The following COL6A1 variants were observed in gnomAD, a reference collection of about 807,000 sequenced individuals.
COL6A1 encodes the protein collagen type VI alpha 1 chain, also known as collagen alpha-1(VI) chain.
Under a neutral mutation model 145.6 loss-of-function variants are expected in COL6A1, and 80 were observed. The ratio of observed to expected loss-of-function variants is 0.55; its 90% CI spans 0.46 to 0.66. The LOEUF is 0.66. Ranked by LOEUF, COL6A1 falls within the 30% of genes least tolerant of loss-of-function variation. The pLI, the probability that COL6A1 is intolerant of heterozygous loss-of-function variation, is 0.00. For synonymous variants in COL6A1, 638 were observed against 622.8 expected, an observed-to-expected ratio of 1.02 and a Z score of -0.36; for missense variants, 1,364 against 1,473.8, an observed-to-expected ratio of 0.93 and a Z score of 1.22.
intron 22 of COL6A1, 28 bp from the exon 23 acceptor site, chr21:45,998,093 C>T (rs546543948): frequency 6.2e-7 from 1 of 1,611,136 alleles, no homozygotes; most frequent in African/African-American, 1.3e-5. Flanking sequence ...GGCCGATTCG[C>T]ACGGTGACGG....
At position 45,994,399 on chromosome 21, in the gene COL6A1, C is replaced by T. The variant is rs917914469; in HGVS notation, c.1398+170C>T. 1.3e-5 allele frequency among the ~76,000 whole-genome samples: 2 copies of T among 152,062 alleles called. No homozygotes were observed. The highest frequency in any genetic ancestry group is 2.9e-5 in the Non-Finnish European group (2 of 67,986). On this transcript the variant is annotated intron_variant, in intron 20 of 34. Transcript: ENST00000361866. This position sits in a 1 kb window ranked among gnomAD's most constrained non-coding sequence, Gnocchi z 6.8. ...GGAGCCGGCTGCAGGGGGTGAGGCG[C>T]GGCCTGGGCCGGGCTGGTGTGGATT... is the stretch of plus-strand genomic sequence containing the variant.
intron 19 of COL6A1, among the ~76,000 whole-genome samples, chr21:45,993,907 G>A (rs924215216): frequency 6.6e-6 from 1 of 152,222 alleles, no homozygotes; most frequent in Non-Finnish European, 1.5e-5. Flanking sequence ...GGAGAAGCAG[G>A]GATGCACGCA....
chr21:45,990,144 G>A lies in COL6A1; in HGVS notation c.931-114G>A, dbSNP rs1428908257. On this transcript the variant is annotated intron_variant, in intron 11 of 34. Transcript: ENST00000361866. ...AGTCCCCATGATTCTCAGCAGTGAT[G>A]TTGTCCCCTCGGGTTGGGGGCACCC... 6.6e-5 allele frequency: 85 copies of A among 1,290,196 alleles called. No homozygotes were observed. The South Asian group carries it at 9.2e-4, about 14-fold the overall frequency. The allele number at this position is 1,290,196 out of a possible 1,614,324, so 79.9% of individuals were successfully genotyped here.
Position 45,997,494 on chromosome 21 carries a change from C to G in COL6A1, c.1461+11C>G. The G allele has an allele frequency of 6.3e-7, 1 of 1,588,700 alleles. No individual in the cohort carries two copies. The highest frequency in any genetic ancestry group is 8.5e-7 in the Non-Finnish European group (1 of 1,171,572). On this transcript the variant is annotated intron_variant, in intron 21 of 34. Transcript: ENST00000361866. Reference sequence around the variant, plus strand: ...CCCCCAGGGTCCGAGGTGAGTCCCACTCCCCACCCACACCCGCCCACCCAG... The same window carrying G: ...CCCCCAGGGTCCGAGGTGAGTCCCAGTCCCCACCCACACCCGCCCACCCAG...
At chr21:46,001,537 C>A in intron 30 of COL6A1, 151 bp downstream of exon 30, 1 of 1,046,564 alleles carries the variant, frequency 9.6e-7, no homozygotes, top group Non-Finnish European at 1.4e-6. Context: ...CACGCGCCAG[C>A]CCGTCCAGGC....
rs1433953382 is a variant in COL6A1 at position 45,983,800 on chromosome 21, CGCT to C, written c.228-466_228-464del. ...AAATGGGGCGGAGTCATCCCCATGT[CGCT>C]GCCACTGGATTCCTGCAGGCGCCGT... On this transcript the variant is annotated intron_variant, in intron 2 of 34. Transcript: ENST00000361866. Among the ~76,000 whole-genome samples, 7 of 144,576 alleles carry C rather than the reference CGCT, an allele frequency of 4.8e-5. No individual in the cohort carries two copies. The East Asian group carries it at 1.5e-3, about 32-fold the overall frequency. 94.8% of individuals were successfully genotyped at this position (144,576 alleles called of 152,430 possible).
intron 1 of COL6A1, among the ~76,000 whole-genome samples, chr21:45,982,232 C>T (rs1451207036): frequency 6.6e-6 from 1 of 152,166 alleles, no homozygotes; most frequent in East Asian, 1.9e-4. Context: ...TGTCTCGGCG[C>T]CCCGTGAATC....
intron 19 of COL6A1, among the ~76,000 whole-genome samples, chr21:45,993,618 G>A (rs1053935652): frequency 1.3e-5 from 2 of 152,242 alleles, no homozygotes; most frequent in Admixed American, 1.3e-4. Context: ...CGCCGCCACC[G>A]AGGGATTTGG....
chr21:45,985,295 TAGAGAC>T (rs753075328), intron 3 of COL6A1, among the ~76,000 whole-genome samples: 9 of 125,858 alleles, frequency 7.2e-5, no homozygotes, highest in Admixed American at 2.3e-4. Flanking sequence ...GACAGAGAGA[TAGAGAC>T]AGAGAGGGAG....
intron 21 of COL6A1, 48 bp from the exon 22 acceptor site, chr21:45,997,652 G>C: frequency 6.4e-7 from 1 of 1,566,166 alleles, no homozygotes; most frequent in Non-Finnish European, 8.7e-7. Context: ...TTCCCTCCAA[G>C]GTCACCATGC....
At chr21:46,000,874 C>T in intron 29 of COL6A1, 107 bp downstream of exon 29, 2 of 1,386,584 alleles carry the variant, frequency 1.4e-6, no homozygotes, top group Non-Finnish European at 2.1e-6. Context: ...TGGTCCCCGC[C>T]CGCAGCTCCC....
At chr21:45,996,706 A>C (rs1225290455) in intron 20 of COL6A1, among the ~76,000 whole-genome samples, 1 of 152,154 alleles carries the variant, frequency 6.6e-6, no homozygotes, top group Non-Finnish European at 1.5e-5. Context: ...GCGCGCTGGG[A>C]AGTGCTTGGG....
rs1035822148 is a variant in COL6A1 at position 45,986,754 on chromosome 21, C to G, written c.588+69C>G. 9 of 1,527,622 alleles carry G rather than the reference C, an allele frequency of 5.9e-6. No homozygotes were observed. The Admixed American group carries it at 5.9e-5, about 10-fold the overall frequency. 94.6% of individuals were successfully genotyped at this position (1,527,622 alleles called of 1,614,324 possible). On this transcript the variant is annotated intron_variant, in intron 4 of 34. Coordinates refer to ENST00000361866, the MANE Select transcript of COL6A1 (RefSeq NM_001848.3). ...GTGGCGGCTGCAAGGCCCCCGGCAG[C>G]TGGGACCGTCTTTTGGTCCTCGGGA...
At chr21:45,996,557 C>T (rs1569518603) in intron 20 of COL6A1, among the ~76,000 whole-genome samples, 6 of 152,090 alleles carry the variant, frequency 3.9e-5, no homozygotes, top group South Asian at 2.1e-4. Flanking sequence ...ATCAGCCTAA[C>T]CACAGGCCAG....
rs766279884 is a variant in COL6A1 at position 46,003,518 on chromosome 21, G to A, written c.2592G>A (p.Arg864=). 4.3e-6 allele frequency: 7 copies of A among 1,611,564 alleles called. No homozygotes were observed. The African/African-American group carries it at 6.7e-5, about 15-fold the overall frequency. Residue 864 remains arginine, a synonymous_variant, in exon 35 of 35, where the codon AGG becomes AGA. Transcript: ENST00000361866. Reference sequence around the variant, plus strand: ...CCGAGCGCTTCCTCACAGCGGGCAGGACGGACCCCGCCCACGACGTGCGGG... The same window carrying A: ...CCGAGCGCTTCCTCACAGCGGGCAGAACGGACCCCGCCCACGACGTGCGGG... The part of the protein sequence containing the change: ...RLAERFLTAG[R]TDPAHDVRVA...
At chr21:45,983,395 A>AG (rs60415667) in intron 2 of COL6A1, among the ~76,000 whole-genome samples, 5,033 of 129,298 alleles carry the variant, frequency 0.039, 289 homozygotes, top group African/African-American at 0.13. Context: ...AGGGCCGCTG[A>AG]GGGGGGGGCA....
In COL6A1 at chr21:46,003,403, C is replaced by T; in HGVS notation, c.2477C>T (p.Ser826Phe). ...CCCCGCCCCGCAGTCACGTTCTCCTCCCCGGCTGACATCACCATCCTGCTG... is the reference window on the plus strand; with the variant it reads ...CCCCGCCCCGCAGTCACGTTCTCCTTCCCGGCTGACATCACCATCCTGCTG... ...PDYTCPITFS[S>F]PADITILLDG... The change falls in exon 35 of 35, where the codon TCC becomes TTC. Residue 826 changes from serine (S) to phenylalanine (F), a missense_variant. Ser to Phe is a radical substitution (Grantham distance 155). This residue lies in a region of COL6A1 where 938 missense variants were observed against 1,003.8 expected (regional missense o/e 0.93). Coordinates refer to ENST00000361866, the MANE Select transcript of COL6A1 (RefSeq NM_001848.3). 2.5e-6 allele frequency: 4 copies of T among 1,601,022 alleles called. No individual in the cohort carries two copies. The highest frequency in any genetic ancestry group is 3.4e-6 in the Non-Finnish European group (4 of 1,179,752).
intron 8 of COL6A1, among the ~76,000 whole-genome samples, 171 bp from the exon 9 acceptor site, chr21:45,988,913 C>T (rs776800884): frequency 5.3e-5 from 8 of 152,130 alleles, no homozygotes; most frequent in East Asian, 3.9e-4. Flanking sequence ...GGGGAGCTGG[C>T]GTGCGGGTTG....
In COL6A1 at chr21:46,003,995, G is replaced by A. The variant is rs1204010330; in HGVS notation, c.3069G>A (p.Arg1023=). 1.2e-6 allele frequency: 2 copies of A among 1,613,140 alleles called. No individual in the cohort carries two copies. Among genetic ancestry groups the A allele is most frequent in the East Asian group, 2.2e-5 (1 of 44,864 alleles). The stretch of plus-strand genomic sequence containing the variant: ...GTGTCTTCCACCAGACAGTCTCCAG[G>A]AAGGTGGCGCTGGGCTAGCCCACCC... ...LRGVFHQTVS[R]KVALG The change falls in exon 35 of 35, where the codon AGG becomes AGA. Residue 1023 remains arginine (R), a synonymous_variant. Coordinates refer to ENST00000361866, the MANE Select transcript of COL6A1 (RefSeq NM_001848.3).
Sources: allele counts gnomAD v4.1 joint callset (sites outside exome capture counted in the v4.1 genomes callset), GRCh38; gene constraint gnomAD v4.1.1; regional missense constraint gnomAD v4.1.1; non-coding constraint Gnocchi (gnomAD v3.1); transcripts MANE v1.5; gene names NCBI Gene and HGNC (gene_info 2026-07-23, HGNC 2026-07-21).